MYH7B: variants seen among roughly 807,000 people sequenced by gnomAD.
MYH7B encodes the protein myosin-7B.
MYH7B carries 205 observed loss-of-function variants against 234.5 expected under a neutral mutation model. The observed-to-expected ratio is 0.87, with a 90% CI of 0.78 to 0.98. The LOEUF is 0.98. MYH7B is among the 50% of genes least tolerant of loss of function. MYH7B has a pLI of 0.00. For synonymous variants in MYH7B, 1,193 were observed against 1,105.0 expected, an observed-to-expected ratio of 1.08 and a Z score of -1.58; for missense variants, 2,652 against 2,633.4, an observed-to-expected ratio of 1.01 and a Z score of -0.15.
At chr20:34,994,617 G>A (rs564744837) in intron 27 of MYH7B, among the ~76,000 whole-genome samples, 63 of 152,270 alleles carry the variant, frequency 4.1e-4, no homozygotes, top group African/African-American at 8.9e-4. Context: ...TTGGCCTCCC[G>A]CTAAAGCAGA....
chr20:34,978,092 G>A lies in MYH7B; in HGVS notation c.87G>A (p.Trp29Ter), dbSNP rs370258432. The A allele has an allele frequency of 2.1e-5, 34 of 1,613,884 alleles. No homozygotes were observed. The Middle Eastern group carries it at 4.9e-4, about 23-fold the overall frequency. Reference sequence around the variant, plus strand: ...TGACGAAGGTGCACACTATCCCATGGGACGGTAAGTGGAGACAGAGGGGGA... The same window carrying A: ...TGACGAAGGTGCACACTATCCCATGAGACGGTAAGTGGAGACAGAGGGGGA... The change falls in exon 5 of 45, where the codon TGG (tryptophan) becomes TGA (stop). Residue 29 changes from tryptophan (W) to a stop codon, truncating the protein, a stop_gained. Coordinates refer to ENST00000262873, the Ensembl canonical transcript of MYH7B. LOFTEE classifies it high-confidence loss of function.
intron 15 of MYH7B, 65 bp from the exon 16 acceptor site, chr20:34,987,084 A>C: frequency 6.2e-7 from 1 of 1,610,492 alleles, no homozygotes; most frequent in Non-Finnish European, 8.5e-7. Flanking sequence ...GTCCCGGGGC[A>C]GTGCCTGGCT....
intron 2 of MYH7B, among the ~76,000 whole-genome samples, chr20:34,967,098 G>A (rs547793307): frequency 1.7e-3 from 258 of 151,748 alleles, no homozygotes; most frequent in Middle Eastern, 6.8e-3. Context: ...GCATGGTGGC[G>A]CGCACCTGTA....
chr20:35,002,078 G>GCC lies in MYH7B; in HGVS notation c.5810_5811dup (p.Lys1938ProfsTer24). The GCC allele has an allele frequency of 1.9e-6, 3 of 1,613,802 alleles. No homozygotes were observed. Among genetic ancestry groups the GCC allele is most frequent in the Non-Finnish European group, 2.5e-6 (3 of 1,179,976 alleles). On this transcript the variant is annotated frameshift_variant, in exon 44 of 45. Coordinates refer to ENST00000262873, the Ensembl canonical transcript of MYH7B. LOFTEE classifies it high-confidence loss of function. ...CGGGCACGGACCCGGGACGCCCTGG[G>GCC]CCCCAAGGTGAGGAGTGGCAGGGGC...
exon 27 of MYH7B, chr20:34,994,378 G>T: frequency 6.3e-7 from 1 of 1,588,696 alleles, no homozygotes; most frequent in Middle Eastern, 1.7e-4. Flanking sequence ...GGAGAAGAAT[G>T]ACCTGGCCCT....
At chr20:34,998,017 G>T (rs1244515010) in intron 32 of MYH7B, among the ~76,000 whole-genome samples, 2 of 152,062 alleles carry the variant, frequency 1.3e-5, no homozygotes, top group African/African-American at 4.8e-5. Context: ...CCTGACAGCT[G>T]ACCTCTGACC....
At chr20:34,982,603 T>C (rs761720008) in intron 10 of MYH7B, 48 bp downstream of exon 10, 3 of 1,418,328 alleles carry the variant, frequency 2.1e-6, no homozygotes, top group Non-Finnish European at 2.9e-6. Context: ...CTCGCTGTTT[T>C]TCTTTTCTTT....
exon 3 of MYH7B, chr20:34,975,420 G>C: frequency 1.5e-6 from 1 of 649,626 alleles, no homozygotes. Flanking sequence ...TTGATGTGTT[G>C]CCCAGGCTGG....
Position 34,988,780 on chromosome 20 carries a change from GT to G in MYH7B, c.1587+520del, listed in dbSNP as rs990314453. ...TCACAGCCAGTCACATGACACTTAG[GT>G]TCATTTCCTCGAAATCCTTTATCCC... On this transcript the variant is annotated intron_variant, in intron 19 of 44. Coordinates refer to ENST00000262873, the Ensembl canonical transcript of MYH7B. 4.0e-5 allele frequency among the ~76,000 whole-genome samples: 6 copies of G among 149,856 alleles called. No homozygotes were observed. The South Asian group carries it at 1.3e-3, about 32-fold the overall frequency.
intron 19 of MYH7B, 114 bp from the exon 20 acceptor site, chr20:34,989,626 A>T: frequency 9.6e-7 from 1 of 1,038,808 alleles, no homozygotes; most frequent in Non-Finnish European, 1.4e-6. Flanking sequence ...GAGATGGCTG[A>T]AGCTGGGGAT....
intron 2 of MYH7B, among the ~76,000 whole-genome samples, chr20:34,975,154 G>A (rs2081836246): frequency 6.6e-6 from 1 of 152,206 alleles, no homozygotes; most frequent in Non-Finnish European, 1.5e-5. Context: ...TCCTAGGTGA[G>A]GGATGGCCCG....
chr20:34,988,297 A>T, intron 19 of MYH7B, 35 bp downstream of exon 19: 1 of 1,595,646 alleles, frequency 6.3e-7, no homozygotes, highest in South Asian at 1.1e-5. Context: ...TGAGGAAGGG[A>T]GGGTGTGTGT....
At chr20:34,998,731 C>G in exon 35 of MYH7B, 1 of 1,611,666 alleles carries the variant, frequency 6.2e-7, no homozygotes, top group Non-Finnish European at 8.5e-7. Context: ...CAAGAGTGCC[C>G]TGGCCCACGC....
At chr20:35,001,557 C>T (rs760735814) in intron 43 of MYH7B, 31 bp downstream of exon 43, 22 of 1,564,862 alleles carry the variant, frequency 1.4e-5, no homozygotes, top group African/African-American at 5.4e-5. Context: ...ACACCTGGAC[C>T]GGGCACCCCA....
At chr20:34,965,023 A>C (rs1420371824) in intron 2 of MYH7B, among the ~76,000 whole-genome samples, 1 of 152,192 alleles carries the variant, frequency 6.6e-6, no homozygotes, top group African/African-American at 2.4e-5. Context: ...ATCTCATTCA[A>C]TTCCTATGGG....
intron 5 of MYH7B, among the ~76,000 whole-genome samples, chr20:34,978,555 C>A (rs978264075): frequency 1.3e-5 from 2 of 152,136 alleles, no homozygotes; most frequent in African/African-American, 4.8e-5. Context: ...ACAATACTAA[C>A]AATAGGCAGT....
chr20:35,001,559 G>C, intron 43 of MYH7B, 33 bp downstream of exon 43: 1 of 1,562,800 alleles, frequency 6.4e-7, no homozygotes, highest in Non-Finnish European at 8.7e-7. Flanking sequence ...ACCTGGACCG[G>C]GCACCCCAGC....
rs201121583 is a variant in MYH7B at position 34,980,297 on chromosome 20, C to T, written c.343-281C>T. ...AATGTGGTGGCCCATGCCTGTAATC[C>T]CAGCACTTTGGGAGGGCAAGGCGGG... On this transcript the variant is annotated intron_variant, in intron 7 of 44. Coordinates refer to ENST00000262873, the Ensembl canonical transcript of MYH7B. 1.3e-4 allele frequency: 51 copies of T among 386,980 alleles called. No homozygotes were observed. In the East Asian group the frequency reaches 2.1e-3, roughly 16 times the overall value. 24.0% of individuals were successfully genotyped at this position (386,980 alleles called of 1,614,324 possible). A position where few individuals can be genotyped will look rare whatever the true frequency, so the allele number is the denominator to read the frequency against.
In MYH7B at chr20:34,977,397, G is replaced by C. The variant is rs1158315326; in HGVS notation, c.-121-235G>C. 4.6e-5 allele frequency among the ~76,000 whole-genome samples: 7 copies of C among 152,078 alleles called. No homozygotes were observed. In the East Asian group the frequency reaches 1.4e-3, roughly 29 times the overall value. On this transcript the variant is annotated intron_variant, in intron 3 of 44. Coordinates refer to ENST00000262873, the Ensembl canonical transcript of MYH7B. ...CTCCCCGTGAGCTCTTCAGTCTCCTGAACCTCTTACTGCCTTGTCCCTGTC... is the reference window on the plus strand; with the variant it reads ...CTCCCCGTGAGCTCTTCAGTCTCCTCAACCTCTTACTGCCTTGTCCCTGTC...
Sources: gnomAD v4.1 joint callset for allele counts (sites outside exome capture counted in the v4.1 genomes callset) on GRCh38, gnomAD v4.1.1 for gene constraint, MANE v1.5 for transcripts, NCBI Gene and HGNC (gene_info 2026-07-23, HGNC 2026-07-21) for gene names.